UNC79: variants seen among roughly 807,000 people sequenced by gnomAD.
UNC79 encodes the protein protein unc-79 homolog.
Under a neutral mutation model 283.1 loss-of-function variants are expected in UNC79, and 37 were observed. That is an observed-to-expected ratio of 0.13 (90% CI 0.10 to 0.17). The LOEUF (loss-of-function observed/expected upper bound fraction) is 0.17. UNC79 is among the 10% of genes least tolerant of loss of function. The pLI, the probability that UNC79 is intolerant of heterozygous loss-of-function variation, is 1.00. For missense variants in UNC79, 2,272 were observed against 3,211.1 expected (o/e 0.71, Z 7.07); for synonymous variants, 1,107 against 1,200.2 (o/e 0.92, Z 1.61).
rs942820202 is a variant in UNC79, at chr14:93,530,436, T to G, written c.1093+1110T>G. ...AAATACAAACAAACAAACAAAAAAT[T>G]TAGGAGGGCAGGAGAGAAAAAACAA... On this transcript the variant is annotated intron_variant, in intron 10 of 48. Coordinates refer to ENST00000555664, the Ensembl canonical transcript of UNC79. Among the ~76,000 whole-genome samples, 5 of 149,966 alleles carry G rather than the reference T, an allele frequency of 3.3e-5. No homozygotes were observed. The East Asian group carries it at 9.9e-4, about 30-fold the overall frequency.
intron 7 of UNC79, among the ~76,000 whole-genome samples, chr14:93,503,275 G>A (rs777989180): frequency 6.6e-4 from 101 of 152,114 alleles, no homozygotes; most frequent in Admixed American, 2.0e-3. Context: ...CCAAATGAAT[G>A]TACCATAGTT....
At chr14:93,563,876 G>A (rs917399299) in intron 14 of UNC79, among the ~76,000 whole-genome samples, 1 of 152,148 alleles carries the variant, frequency 6.6e-6, no homozygotes, top group Admixed American at 6.5e-5. Context: ...GAGCCAGGGA[G>A]CAGAAAGTAT....
At chr14:93,539,319 G>A (rs1469956670) in intron 12 of UNC79, among the ~76,000 whole-genome samples, 3 of 148,020 alleles carry the variant, frequency 2.0e-5, no homozygotes, top group Non-Finnish European at 4.5e-5. Flanking sequence ...TCAGGATTTC[G>A]AGACCAGCCT....
Position 93,670,464 on chromosome 14 carries a change from A to C in UNC79, c.6637-2887A>C, listed in dbSNP as rs563690078. ...ACAGAACTCAGGAAAGCACTTGCTTACATTTACCAGTTATAAAGGATATTA... is the reference window on the plus strand; with the variant it reads ...ACAGAACTCAGGAAAGCACTTGCTTCCATTTACCAGTTATAAAGGATATTA... On this transcript the variant is annotated intron_variant, in intron 40 of 48. Transcript: ENST00000555664. Among the ~76,000 whole-genome samples the C allele has an allele frequency of 2.6e-5, 4 of 152,358 alleles. No homozygotes were observed. In the East Asian group the frequency reaches 7.7e-4, roughly 29 times the overall value.
intron 5 of UNC79, among the ~76,000 whole-genome samples, chr14:93,495,409 A>G (rs902323217): frequency 1.3e-5 from 2 of 152,272 alleles, no homozygotes; most frequent in East Asian, 3.9e-4. Flanking sequence ...CATGGGGCAA[A>G]CTGCCCCCAC....
Position 93,621,643 on chromosome 14 carries a change from T to C in UNC79, c.4410T>C (p.Tyr1470=), listed in dbSNP as rs777401624. The C allele has an allele frequency of 1.3e-6, 2 of 1,579,922 alleles. No homozygotes were observed. Among genetic ancestry groups the C allele is most frequent in the Non-Finnish European group, 1.7e-6 (2 of 1,165,812 alleles). The change falls in exon 30 of 49, where the codon TAT becomes TAC. Residue 1470 remains tyrosine (Y), a synonymous_variant. Coordinates refer to ENST00000555664, the Ensembl canonical transcript of UNC79. This position sits in a 1 kb window ranked among gnomAD's most constrained non-coding sequence, Gnocchi z 4.8. Reference sequence around the variant, plus strand: ...CAGGTGAAATAGAACTGGCTGAATATAGAGAGACGGGTGCATTACAAGACA... The same window carrying C: ...CAGGTGAAATAGAACTGGCTGAATACAGAGAGACGGGTGCATTACAAGACA...
At chr14:93,349,441 C>G (rs1214936069) in intron 1 of UNC79, among the ~76,000 whole-genome samples, 5 of 152,198 alleles carry the variant, frequency 3.3e-5, no homozygotes, top group Non-Finnish European at 5.9e-5. Context: ...GAGTTCCTCA[C>G]TAGTCAAGTA....
At chr14:93,641,787 A>G (rs3958014) in intron 33 of UNC79, among the ~76,000 whole-genome samples, 76,249 of 152,062 alleles carry the variant, frequency 0.5, 19,256 homozygotes, top group Middle Eastern at 0.57. Flanking sequence ...GTTCCCACCC[A>G]AATCTCACCT....
intron 4 of UNC79, 78 bp downstream of exon 4, chr14:93,477,806 T>C (rs2057889865): frequency 1.5e-6 from 2 of 1,371,898 alleles, no homozygotes; most frequent in Non-Finnish European, 2.0e-6. Flanking sequence ...TTATAGGCTC[T>C]AGTTTTTCGA....
chr14:93,550,833 A>G (rs1042600485), intron 14 of UNC79, among the ~76,000 whole-genome samples: 28 of 152,040 alleles, frequency 1.8e-4, no homozygotes, highest in Admixed American at 7.9e-4. Flanking sequence ...TACCACATAC[A>G]CATAATGTAT....
At chr14:93,691,311 A>C in intron 45 of UNC79, 1 of 188,566 alleles carries the variant, frequency 5.3e-6, no homozygotes. Flanking sequence ...TGCTGCTGCT[A>C]TGATTATGAA....
chr14:93,646,527 A>T, intron 34 of UNC79, 81 bp from the exon 38 acceptor site: 5 of 1,423,106 alleles, frequency 3.5e-6, no homozygotes, highest in Non-Finnish European at 4.9e-6. Flanking sequence ...CTGGAAACAC[A>T]ACAGGTCCTC....
intron 4 of UNC79, among the ~76,000 whole-genome samples, chr14:93,482,325 C>T (rs923259104): frequency 6.6e-6 from 1 of 152,132 alleles, no homozygotes; most frequent in Non-Finnish European, 1.5e-5. Flanking sequence ...AGACCACTTC[C>T]ACAGTGTTAA....
chr14:93,530,212 TTG>T lies in UNC79; in HGVS notation c.1093+888_1093+889del, dbSNP rs2060741004. On this transcript the variant is annotated intron_variant, in intron 10 of 48. Coordinates refer to ENST00000555664, the Ensembl canonical transcript of UNC79. ...CAGGAGGCTGAGGCAGGAGAATCAC[TTG>T]TAAAATGGAGCAATAATATCAGCCT... Among the ~76,000 whole-genome samples the T allele has an allele frequency of 2.6e-5, 4 of 151,360 alleles. No individual in the cohort carries two copies. The South Asian group carries it at 8.4e-4, about 32-fold the overall frequency.
chr14:93,410,422 C>T (rs562716994), intron 1 of UNC79, among the ~76,000 whole-genome samples: 3 of 152,276 alleles, frequency 2.0e-5, no homozygotes, highest in African/African-American at 7.2e-5. Context: ...TAGTGCTGAA[C>T]TGGTATCAGA....
At chr14:93,539,324 CAG>C in intron 12 of UNC79, among the ~76,000 whole-genome samples, 1 of 150,022 alleles carries the variant, frequency 6.7e-6, no homozygotes, top group East Asian at 2.0e-4. Context: ...ATTTCGAGAC[CAG>C]CCTGACCAAC....
intron 7 of UNC79, among the ~76,000 whole-genome samples, chr14:93,514,227 T>C (rs2059957363): frequency 6.6e-6 from 1 of 152,200 alleles, no homozygotes; most frequent in Non-Finnish European, 1.5e-5. Flanking sequence ...TAGACACACA[T>C]TTCTAATATC....
intron 1 of UNC79, among the ~76,000 whole-genome samples, chr14:93,422,205 G>T (rs532263742): frequency 6.6e-6 from 1 of 151,924 alleles, no homozygotes; most frequent in African/African-American, 2.4e-5. Flanking sequence ...GGTCTGGAAA[G>T]GTGGGATAGC....
intron 7 of UNC79, among the ~76,000 whole-genome samples, chr14:93,503,206 A>C (rs528446622): frequency 6.6e-6 from 1 of 152,058 alleles, no homozygotes; most frequent in Non-Finnish European, 1.5e-5. Flanking sequence ...TGTGTATGTG[A>C]TTTGTTCATG....
Sources: allele counts gnomAD v4.1 joint callset (sites outside exome capture counted in the v4.1 genomes callset), GRCh38; gene constraint gnomAD v4.1.1; non-coding constraint Gnocchi (gnomAD v3.1); transcripts MANE v1.5; gene names NCBI Gene and HGNC (gene_info 2026-07-23, HGNC 2026-07-21).